Variants in PTK6 observed in about 807,000 individuals in gnomAD.
PTK6 encodes the protein protein tyrosine kinase 6.
Under a neutral mutation model 47.5 loss-of-function variants are expected in PTK6, and 47 were observed. The observed-to-expected ratio is 0.99, with a 90% CI of 0.78 to 1.26. The LOEUF (loss-of-function observed/expected upper bound fraction) is 1.26. Ranked by LOEUF, PTK6 falls within the 50% of genes most tolerant of loss-of-function variation. PTK6 has a pLI of 0.00. For missense variants in PTK6, 618 were observed against 625.3 expected, an observed-to-expected ratio of 0.99 and a Z score of 0.12; for synonymous variants, 287 against 276.5, an observed-to-expected ratio of 1.04 and a Z score of -0.38.
chr20:63,530,719 C>G lies in PTK6; in HGVS notation c.1014+27G>C. The stretch of plus-strand genomic sequence containing the variant: ...CCTCCGGCCACGCCCCGGCCACGAC[C>G]CCAGCCACGCCCTCTGAGGGCCCTA... On this transcript the variant is annotated intron_variant, in intron 6 of 7. Coordinates refer to ENST00000542869, the MANE Select transcript of PTK6 (RefSeq NM_005975.4). The surrounding 1 kb of genome is among the most constrained non-coding windows in gnomAD (Gnocchi z 4.1). The G allele has an allele frequency of 6.2e-7, 1 of 1,610,494 alleles. No individual in the cohort carries two copies. The highest frequency in any genetic ancestry group is 1.3e-5 in the African/African-American group (1 of 74,778).
intron 5 of PTK6, 116 bp from the exon 6 acceptor site, chr20:63,531,043 G>A: frequency 9.9e-7 from 1 of 1,012,922 alleles, no homozygotes; most frequent in Non-Finnish European, 1.4e-6. Flanking sequence ...TCAGAGGAGG[G>A]GCCGGGGCAA....
Position 63,531,437 on chromosome 20 carries a change from A to AAT in PTK6, c.833-512_833-511dup, listed in dbSNP as rs748873194. Among the ~76,000 whole-genome samples, 266 of 94,854 alleles carry AAT rather than the reference A, an allele frequency of 2.8e-3. 5 individuals are homozygous for AAT. The highest frequency in any genetic ancestry group is 6.8e-3 in the Middle Eastern group (1 of 148). 62.2% of individuals were successfully genotyped at this position (94,854 alleles called of 152,430 possible). Reference sequence around the variant, plus strand: ...CTCCGTCTCAAAAAAAAAAAAAAAAAATATATATATATATATATATATATA... The same window carrying AAT: ...CTCCGTCTCAAAAAAAAAAAAAAAAAATATATATATATATATATATATATATA... On this transcript the variant is annotated intron_variant, in intron 5 of 7. Coordinates refer to ENST00000542869, the MANE Select transcript of PTK6 (RefSeq NM_005975.4).
At position 63,535,011 on chromosome 20, in the gene PTK6, C is replaced by T; in HGVS notation, c.279G>A (p.Gln93=). 2 of 1,608,980 alleles carry T rather than the reference C, an allele frequency of 1.2e-6. No homozygotes were observed. Among genetic ancestry groups the T allele is most frequent in the Non-Finnish European group, 1.7e-6 (2 of 1,177,638 alleles). The stretch of plus-strand genomic sequence containing the variant: ...AGGCGCCCGTGGCGTTGCCCTCGGC[C>T]TGCAGCCGACGCACAGCTTCCGAGC... The part of the protein sequence containing the change: ...ISRSEAVRRL[Q]AEGNATGAFL... The change falls in exon 2 of 8, where the codon CAG becomes CAA. Residue 93 remains glutamine, a synonymous_variant. Coordinates refer to ENST00000542869, the MANE Select transcript of PTK6 (RefSeq NM_005975.4).
rs747924318 is a variant in PTK6, at chr20:63,529,380, G to A, written c.*156C>T. ...CGATGGAGTAAGGAGAGGAGCACAC[G>A]CGTGTATTGGACGCAGACACTCCAC... is the stretch of plus-strand genomic sequence containing the variant. On this transcript the variant is annotated 3_prime_UTR_variant, in exon 8 of 8. Coordinates refer to ENST00000542869, the MANE Select transcript of PTK6 (RefSeq NM_005975.4). The surrounding 1 kb of genome is among the most constrained non-coding windows in gnomAD (Gnocchi z 5.6). 1.4e-5 allele frequency: 11 copies of A among 783,940 alleles called. No homozygotes were observed. The South Asian group carries it at 1.6e-4, about 11-fold the overall frequency. The allele number at this position is 783,940 out of a possible 1,614,324, so 48.6% of individuals were successfully genotyped here. A position where few individuals can be genotyped will look rare whatever the true frequency, so the allele number is the denominator to read the frequency against.
intron 1 of PTK6, 84 bp from the exon 2 acceptor site, chr20:63,535,143 C>G: frequency 6.8e-7 from 1 of 1,469,536 alleles, no homozygotes; most frequent in Non-Finnish European, 9.0e-7. Flanking sequence ...CCGCCTGGAA[C>G]CCCAGCCGCC....
Position 63,530,594 on chromosome 20 carries a change from G to A in PTK6, c.1014+152C>T, listed in dbSNP as rs1308078817. 12 of 995,238 alleles carry A rather than the reference G, an allele frequency of 1.2e-5. No individual in the cohort carries two copies. Among genetic ancestry groups the A allele is most frequent in the African/African-American group, 4.9e-5 (3 of 60,660 alleles). The allele number at this position is 995,238 out of a possible 1,614,324, so 61.7% of individuals were successfully genotyped here. ...AGAATGGGGGCCCCACCGGACTCAC[G>A]GTGGCTTCCCACCTCCCTGCCCAGC... On this transcript the variant is annotated intron_variant, in intron 6 of 7. Coordinates refer to ENST00000542869, the MANE Select transcript of PTK6 (RefSeq NM_005975.4). The surrounding 1 kb of genome is among the most constrained non-coding windows in gnomAD (Gnocchi z 4.1).
intron 2 of PTK6, 155 bp downstream of exon 2, chr20:63,534,783 G>C (rs1366017638): frequency 9.4e-6 from 11 of 1,171,630 alleles, no homozygotes; most frequent in Non-Finnish European, 1.3e-5. Flanking sequence ...CCCCAGGGAG[G>C]AGCGGGCCAG....
rs1294104759 is a variant in PTK6 at position 63,528,295 on chromosome 20, C to T, written c.*1241G>A. 6.6e-6 allele frequency: 1 copy of T among 152,240 alleles called. No individual in the cohort carries two copies. The highest frequency in any genetic ancestry group is 2.1e-4 in the South Asian group (1 of 4,822). 9.4% of individuals were successfully genotyped at this position (152,240 alleles called of 1,614,324 possible). On this transcript the variant is annotated 3_prime_UTR_variant, in exon 8 of 8. Transcript: ENST00000542869. ...ACGCTTTCCATCTCATGTAGCACAT[C>T]GGATAAGCCTGATTAGTCTGACATC... is the stretch of plus-strand genomic sequence containing the variant.
chr20:63,531,716 A>G (rs2082623046), intron 5 of PTK6, among the ~76,000 whole-genome samples: 1 of 151,996 alleles, frequency 6.6e-6, no homozygotes, highest in Non-Finnish European at 1.5e-5. Flanking sequence ...ACGCAGAAGG[A>G]CCAGCGAAGA....
At chr20:63,534,453 T>A in intron 2 of PTK6, 138 bp from the exon 3 acceptor site, 1 of 1,140,788 alleles carries the variant, frequency 8.8e-7, no homozygotes, top group African/African-American at 1.7e-5. Flanking sequence ...CACCCCTGCC[T>A]CCCCTCCCTC....
In PTK6 at chr20:63,530,101, C is replaced by G; in HGVS notation, c.1145G>C (p.Ser382Thr). The G allele has an allele frequency of 6.2e-7, 1 of 1,614,066 alleles. No individual in the cohort carries two copies. Among genetic ancestry groups the G allele is most frequent in the Non-Finnish European group, 8.5e-7 (1 of 1,180,030 alleles). The change falls in exon 7 of 8, where the codon AGC becomes ACC. Residue 382 changes from serine (S) to threonine (T), a missense_variant. By Grantham distance (58) the Ser-to-Thr change is moderately conservative. Coordinates refer to ENST00000542869, the MANE Select transcript of PTK6 (RefSeq NM_005975.4). The surrounding 1 kb of genome is among the most constrained non-coding windows in gnomAD (Gnocchi z 4.1). ...SFGILLHEMF[S>T]RGQVPYPGMS... Reference sequence around the variant, plus strand: ...ACCTGGGTAGGGCACCTGACCCCTGCTGAACATCTCATGCAGGAGAATCCC... The same window carrying G: ...ACCTGGGTAGGGCACCTGACCCCTGGTGAACATCTCATGCAGGAGAATCCC...
Position 63,530,483 on chromosome 20 carries a change from G to A in PTK6, c.1015-252C>T, listed in dbSNP as rs1047978985. Among the ~76,000 whole-genome samples the A allele has an allele frequency of 2.6e-5, 4 of 152,190 alleles. No individual in the cohort carries two copies. Among genetic ancestry groups the A allele is most frequent in the Non-Finnish European group, 5.9e-5 (4 of 68,026 alleles). Reference sequence around the variant, plus strand: ...CAGGGAACTGGGAGGCTCCCAGGCCGTCAGAGGGGCCCAGGGCTGGGCCAG... The same window carrying A: ...CAGGGAACTGGGAGGCTCCCAGGCCATCAGAGGGGCCCAGGGCTGGGCCAG... On this transcript the variant is annotated intron_variant, in intron 6 of 7. Transcript: ENST00000542869. This position sits in a 1 kb window ranked among gnomAD's most constrained non-coding sequence, Gnocchi z 4.1.
chr20:63,531,437 A>AAATATAT (rs1311835682), intron 5 of PTK6, among the ~76,000 whole-genome samples: 1 of 94,918 alleles, frequency 1.1e-5, no homozygotes, highest in Non-Finnish European at 1.9e-5. Flanking sequence ...AAAAAAAAAA[A>AAATATAT]ATATATATAT....
chr20:63,534,354 C>T (rs1188172954), intron 2 of PTK6, 39 bp from the exon 3 acceptor site: 1 of 1,542,388 alleles, frequency 6.5e-7, no homozygotes, highest in South Asian at 1.2e-5. Context: ...CACCCCAACT[C>T]CGACGCCTCC....
In PTK6 at chr20:63,529,086, G is replaced by A. The variant is rs1033998223; in HGVS notation, c.*450C>T. ...AACAGGAAAGAAACACCTGCCCCTG[G>A]GAGGAAAGAACCCTTGAGCACCAAA... On this transcript the variant is annotated 3_prime_UTR_variant, in exon 8 of 8. Transcript: ENST00000542869. This position sits in a 1 kb window ranked among gnomAD's most constrained non-coding sequence, Gnocchi z 5.6. 6.5e-6 allele frequency: 1 copy of A among 153,232 alleles called. No individual in the cohort carries two copies. The highest frequency in any genetic ancestry group is 2.4e-5 in the African/African-American group (1 of 41,214). The allele number at this position is 153,232 out of a possible 1,614,324, so 9.5% of individuals were successfully genotyped here. A position where few individuals can be genotyped will look rare whatever the true frequency, so the allele number is the denominator to read the frequency against.
intron 1 of PTK6, among the ~76,000 whole-genome samples, chr20:63,536,629 C>G (rs2082670417): frequency 6.6e-6 from 1 of 152,214 alleles, no homozygotes; most frequent in African/African-American, 2.4e-5. Flanking sequence ...GGCAGCCGGC[C>G]CGCTCCCCTA....
intron 2 of PTK6, 152 bp downstream of exon 2, chr20:63,534,786 C>A (rs576719342): frequency 1.7e-6 from 2 of 1,192,258 alleles, no homozygotes; most frequent in African/African-American, 1.6e-5. Flanking sequence ...CAGGGAGGAG[C>A]GGGCCAGGTG....
chr20:63,535,639 G>T (rs2082658783), intron 1 of PTK6, among the ~76,000 whole-genome samples: 1 of 151,830 alleles, frequency 6.6e-6, no homozygotes, highest in African/African-American at 2.4e-5. Context: ...ACTCCCTCAG[G>T]TCACTGGAAC....
rs1253051235 is a variant in PTK6, at chr20:63,530,026, G to A, written c.1168+52C>T. 1 of 1,600,098 alleles carries A rather than the reference G, an allele frequency of 6.2e-7. No individual in the cohort carries two copies. The highest frequency in any genetic ancestry group is 8.5e-7 in the Non-Finnish European group (1 of 1,170,910). Reference sequence around the variant, plus strand: ...CCCAGCGTCCCTGCCGGCTACCCAGGACCTCCCCCACTCTGCCTCTCATGC... The same window carrying A: ...CCCAGCGTCCCTGCCGGCTACCCAGAACCTCCCCCACTCTGCCTCTCATGC... On this transcript the variant is annotated intron_variant, in intron 7 of 7. Transcript: ENST00000542869. The surrounding 1 kb of genome is among the most constrained non-coding windows in gnomAD (Gnocchi z 4.1).
Sources: gnomAD v4.1 joint callset for allele counts (sites outside exome capture counted in the v4.1 genomes callset) on GRCh38, gnomAD v4.1.1 for gene constraint, Gnocchi (gnomAD v3.1) non-coding constraint, MANE v1.5 for transcripts, NCBI Gene and HGNC (gene_info 2026-07-23, HGNC 2026-07-21) for gene names.